The following SLC44A5 variants were observed in gnomAD, a reference collection of about 807,000 sequenced individuals.
The protein encoded by SLC44A5 is choline transporter-like protein 5.
In SLC44A5, 57 loss-of-function variants were observed where a neutral mutation model predicts 101.8. The observed-to-expected ratio is 0.56, with a 90% CI of 0.45 to 0.70. The LOEUF is 0.70. Ranked by LOEUF, SLC44A5 falls within the 30% of genes least tolerant of loss-of-function variation. The pLI, the probability that SLC44A5 is intolerant of heterozygous loss-of-function variation, is 0.00. For missense variants in SLC44A5, 737 were observed against 853.1 expected, an observed-to-expected ratio of 0.86 and a Z score of 1.70; for synonymous variants, 281 against 290.9, an observed-to-expected ratio of 0.97 and a Z score of 0.35.
chr1:75,230,078 A>G (rs1266905508), intron 12 of SLC44A5, among the ~76,000 whole-genome samples: 1 of 152,164 alleles, frequency 6.6e-6, no homozygotes, highest in African/African-American at 2.4e-5. Context: ...ATTTCAGTTC[A>G]TTAATTCTCT....
intron 13 of SLC44A5, among the ~76,000 whole-genome samples, chr1:75,224,793 T>C (rs1647163612): frequency 6.6e-6 from 1 of 150,476 alleles, no homozygotes; most frequent in African/African-American, 2.4e-5. Context: ...ACTTTAAAAA[T>C]AGAAAAAGCT....
chr1:75,512,432 GT>G (rs1019535045), intron 2 of SLC44A5, among the ~76,000 whole-genome samples: 8 of 151,888 alleles, frequency 5.3e-5, no homozygotes, highest in Non-Finnish European at 7.4e-5. Context: ...ACTTTCTTGA[GT>G]TTTTTTTAGC....
At chr1:75,447,684 CTA>C (rs1665667842) in intron 2 of SLC44A5, among the ~76,000 whole-genome samples, 1 of 152,054 alleles carries the variant, frequency 6.6e-6, no homozygotes, top group Non-Finnish European at 1.5e-5. Flanking sequence ...GAACTAAAAA[CTA>C]AACTCACACA....
chr1:75,466,538 C>A (rs1666828186), intron 2 of SLC44A5, among the ~76,000 whole-genome samples: 3 of 151,734 alleles, frequency 2.0e-5, no homozygotes. Flanking sequence ...TGCCTGTAAT[C>A]CCAGCTACTT....
chr1:75,600,880 C>A (rs765737513), intron 1 of SLC44A5, among the ~76,000 whole-genome samples: 4 of 152,042 alleles, frequency 2.6e-5, no homozygotes, highest in African/African-American at 9.7e-5. Flanking sequence ...GTTTGCATGA[C>A]AAAATTACCT....
chr1:75,495,498 G>T (rs1428725792), intron 2 of SLC44A5, among the ~76,000 whole-genome samples: 1 of 151,806 alleles, frequency 6.6e-6, no homozygotes, highest in Non-Finnish European at 1.5e-5. Flanking sequence ...GATGCTCAAT[G>T]AGATAAGGAG....
chr1:75,539,132 T>C (rs1671212002), intron 2 of SLC44A5, among the ~76,000 whole-genome samples: 1 of 152,202 alleles, frequency 6.6e-6, no homozygotes, highest in South Asian at 2.1e-4. Context: ...TATAGTCACA[T>C]TGTTATTATT....
intron 2 of SLC44A5, among the ~76,000 whole-genome samples, chr1:75,454,492 C>G (rs985983417): frequency 6.6e-6 from 1 of 151,992 alleles, no homozygotes; most frequent in African/African-American, 2.4e-5. Flanking sequence ...CTGAAAGAGA[C>G]AAAGATGCCC....
chr1:75,470,455 C>T (rs990175195), intron 2 of SLC44A5, among the ~76,000 whole-genome samples: 6 of 152,212 alleles, frequency 3.9e-5, no homozygotes, highest in South Asian at 2.1e-4. Context: ...TGTAACATAA[C>T]GGTAGAATTT....
intron 3 of SLC44A5, among the ~76,000 whole-genome samples, chr1:75,393,060 A>G (rs1428661480): frequency 6.6e-6 from 1 of 152,168 alleles, no homozygotes; most frequent in Non-Finnish European, 1.5e-5. Context: ...TCTGCTCACT[A>G]TTTGGGTGAC....
intron 5 of SLC44A5, among the ~76,000 whole-genome samples, chr1:75,284,765 A>T (rs1372110758): frequency 6.6e-6 from 1 of 152,082 alleles, no homozygotes; most frequent in Non-Finnish European, 1.5e-5. Context: ...TATTGAGATG[A>T]TCATACAATT....
chr1:75,205,673 T>G (rs185473998), intron 23 of SLC44A5: 10 of 152,194 alleles, frequency 6.6e-5, no homozygotes, highest in Admixed American at 4.6e-4. Flanking sequence ...GAAGTGTCTT[T>G]CTTTTCTCTT....
the SLC44A5 span, among the ~76,000 whole-genome samples, chr1:75,697,360 C>G: frequency 4.6e-5 from 7 of 152,292 alleles, no homozygotes; most frequent in South Asian, 8.3e-4. Context: ...AAGAATCTGA[C>G]AAGTTCATAG....
the SLC44A5 span, among the ~76,000 whole-genome samples, chr1:75,636,641 T>C: frequency 6.6e-6 from 1 of 152,134 alleles, no homozygotes; most frequent in South Asian, 2.1e-4. Flanking sequence ...TTCTTGTTTT[T>C]ATTATTAGCT....
At chr1:75,555,326 A>G (rs907555471) in intron 1 of SLC44A5, among the ~76,000 whole-genome samples, 1 of 152,122 alleles carries the variant, frequency 6.6e-6, no homozygotes, top group Non-Finnish European at 1.5e-5. Flanking sequence ...AGGGAGATGA[A>G]AATGTTCTAT....
At chr1:75,631,633 G>A in the SLC44A5 span, among the ~76,000 whole-genome samples, 1 of 137,186 alleles carries the variant, frequency 7.3e-6, no homozygotes, top group Non-Finnish European at 1.5e-5. Flanking sequence ...TGTAAACTCT[G>A]CCTCCCGATT....
chr1:75,318,493 T>C (rs928869809), intron 4 of SLC44A5, among the ~76,000 whole-genome samples: 2 of 152,240 alleles, frequency 1.3e-5, no homozygotes, highest in Non-Finnish European at 2.9e-5. Context: ...TTTGTTAGTA[T>C]ATTTTTAATT....
intron 2 of SLC44A5, among the ~76,000 whole-genome samples, chr1:75,424,381 C>T (rs1664185636): frequency 6.6e-6 from 1 of 152,190 alleles, no homozygotes; most frequent in African/African-American, 2.4e-5. Context: ...TCTCAGCTCA[C>T]TGCAACCTCC....
At chr1:75,631,519 T>A in the SLC44A5 span, among the ~76,000 whole-genome samples, 3 of 147,974 alleles carry the variant, frequency 2.0e-5, no homozygotes, top group Non-Finnish European at 3.0e-5. Flanking sequence ...ACTATAGGCA[T>A]GCACAACCAC....
Sources: allele counts gnomAD v4.1 joint callset (sites outside exome capture counted in the v4.1 genomes callset), GRCh38; gene constraint gnomAD v4.1.1; transcripts MANE v1.5; gene names NCBI Gene and HGNC (gene_info 2026-07-23, HGNC 2026-07-21).